WWOX: variants seen among roughly 807,000 people sequenced by gnomAD.
WWOX encodes WW domain-containing oxidoreductase.
WWOX carries 69 observed loss-of-function variants against 46.2 expected under a neutral mutation model. That is an observed-to-expected ratio of 1.49 (90% CI 1.23 to 1.82). The LOEUF is 1.82. Ranked by LOEUF, WWOX falls within the 40% of genes most tolerant of loss-of-function variation. WWOX has a pLI of 0.00. For synonymous variants in WWOX, 359 were observed against 202.6 expected, an observed-to-expected ratio of 1.77 and a Z score of -6.56; for missense variants, 919 against 542.6, an observed-to-expected ratio of 1.69 and a Z score of -6.89.
chr16:78,470,197 A>G (rs2084188174), intron 8 of WWOX, among the ~76,000 whole-genome samples: 3 of 152,184 alleles, frequency 2.0e-5, no homozygotes, highest in Admixed American at 2.0e-4. Flanking sequence ...AAGCTGGTGG[A>G]AGAAGTAGGA....
intron 5 of WWOX, chr16:78,238,186 G>A (rs1397513678): frequency 6.6e-6 from 1 of 151,190 alleles, no homozygotes; most frequent in Non-Finnish European, 1.5e-5. Context: ...AACCCAAAGA[G>A]ATCTGAAAAG....
At chr16:78,975,872 C>G (rs1012449805) in intron 8 of WWOX, among the ~76,000 whole-genome samples, 2 of 152,152 alleles carry the variant, frequency 1.3e-5, no homozygotes, top group Non-Finnish European at 2.9e-5. Flanking sequence ...CCATTAGGAC[C>G]AAACCTCTTC....
chr16:78,979,614 A>G (rs938087963), intron 8 of WWOX, among the ~76,000 whole-genome samples: 2 of 152,108 alleles, frequency 1.3e-5, no homozygotes, highest in African/African-American at 4.8e-5. Context: ...GGGAGTTTCT[A>G]CCGATGCTCT....
At chr16:79,005,857 A>T (rs28634857) in intron 8 of WWOX, among the ~76,000 whole-genome samples, 16,352 of 152,214 alleles carry the variant, frequency 0.11, 959 homozygotes, top group Middle Eastern at 0.25. Flanking sequence ...AGTAGAACAT[A>T]GCTCAGGCCA....
At chr16:78,211,405 T>C (rs917537935) in intron 5 of WWOX, among the ~76,000 whole-genome samples, 9 of 152,154 alleles carry the variant, frequency 5.9e-5, no homozygotes, top group African/African-American at 2.2e-4. Context: ...TGAGCACTGA[T>C]CTTGTCAGGT....
At chr16:78,497,444 A>G (rs1260303148) in intron 8 of WWOX, among the ~76,000 whole-genome samples, 1 of 152,256 alleles carries the variant, frequency 6.6e-6, no homozygotes, top group African/African-American at 2.4e-5. Flanking sequence ...AAAAACAGGT[A>G]GCAAAAGCAA....
At chr16:78,386,067 G>A (rs554630859) in intron 5 of WWOX, among the ~76,000 whole-genome samples, 6 of 152,110 alleles carry the variant, frequency 3.9e-5, no homozygotes, top group Admixed American at 6.5e-5. Context: ...CTTGCTAGGC[G>A]GGAACTTGGG....
intron 8 of WWOX, among the ~76,000 whole-genome samples, chr16:78,608,418 T>C (rs1413372673): frequency 2.0e-5 from 3 of 152,240 alleles, no homozygotes; most frequent in African/African-American, 7.2e-5. Context: ...ACTGTCTCCT[T>C]ACTCTGTGCT....
At chr16:79,190,204 T>C (rs1335005621) in intron 8 of WWOX, among the ~76,000 whole-genome samples, 1 of 152,084 alleles carries the variant, frequency 6.6e-6, no homozygotes, top group Non-Finnish European at 1.5e-5. Flanking sequence ...TTTGTATTTT[T>C]AGTAAAGACA....
intron 2 of WWOX, among the ~76,000 whole-genome samples, chr16:78,108,758 C>CGGATGGATCACCTGAGGT: frequency 6.6e-6 from 1 of 152,258 alleles, no homozygotes; most frequent in African/African-American, 2.4e-5. Context: ...GAGGCCGAGG[C>CGGATGGATCACCTGAGGT]GGATGGATCA....
At chr16:78,510,061 C>T (rs949771700) in intron 8 of WWOX, among the ~76,000 whole-genome samples, 1 of 130,340 alleles carries the variant, frequency 7.7e-6, no homozygotes, top group Non-Finnish European at 1.7e-5. Context: ...GATCCTGTCT[C>T]CAAGTCTGTC....
chr16:78,100,036 G>A, intron 1 of WWOX, 151 bp downstream of exon 1: 4 of 1,439,766 alleles, frequency 2.8e-6, no homozygotes. Context: ...AGGGTCCAGG[G>A]TTCCCAGTAG....
At chr16:78,819,995 G>A (rs2051448385) in intron 8 of WWOX, among the ~76,000 whole-genome samples, 1 of 152,120 alleles carries the variant, frequency 6.6e-6, no homozygotes, top group South Asian at 2.1e-4. Flanking sequence ...TGTAAAATGG[G>A]GATGGTAATG....
intron 8 of WWOX, among the ~76,000 whole-genome samples, chr16:79,086,202 C>G (rs2048851340): frequency 6.6e-6 from 1 of 152,178 alleles, no homozygotes; most frequent in Admixed American, 6.5e-5. Context: ...ATTCCCAGCA[C>G]ATATTACATG....
intron 8 of WWOX, among the ~76,000 whole-genome samples, chr16:78,741,732 G>T (rs564982913): frequency 6.6e-6 from 1 of 152,236 alleles, no homozygotes; most frequent in East Asian, 1.9e-4. Flanking sequence ...CGGGTGCTCT[G>T]TAGTCTCAGC....
intron 6 of WWOX, among the ~76,000 whole-genome samples, chr16:78,422,181 T>A (rs2082949487): frequency 6.6e-6 from 1 of 152,196 alleles, no homozygotes; most frequent in African/African-American, 2.4e-5. Flanking sequence ...TAAGAACTCT[T>A]TATATACTAA....
intron 8 of WWOX, among the ~76,000 whole-genome samples, chr16:78,466,039 GT>G (rs112254752): frequency 0.31 from 45,919 of 148,454 alleles, 8,776 homozygotes; most frequent in African/African-American, 0.55. Flanking sequence ...TTGGTTTTTT[GT>G]TTTTTTTTTG....
intron 8 of WWOX, among the ~76,000 whole-genome samples, chr16:78,713,960 C>G (rs1420128690): frequency 1.3e-5 from 2 of 152,104 alleles, no homozygotes; most frequent in Non-Finnish European, 2.9e-5. Flanking sequence ...GGCTCTGTCT[C>G]CAATTGGCTA....
intron 5 of WWOX, among the ~76,000 whole-genome samples, chr16:78,263,640 AG>A (rs199790189): frequency 0.054 from 8,207 of 152,244 alleles, 381 homozygotes; most frequent in East Asian, 0.22. Flanking sequence ...AGAGAGAGAA[AG>A]AAAAGAAAGA....
Sources: gnomAD v4.1 joint callset for allele counts (sites outside exome capture counted in the v4.1 genomes callset) on GRCh38, gnomAD v4.1.1 for gene constraint, MANE v1.5 for transcripts, NCBI Gene and HGNC (gene_info 2026-07-23, HGNC 2026-07-21) for gene names.